Variants in TNRC18 observed in about 807,000 individuals in gnomAD.
TNRC18 encodes the protein trinucleotide repeat containing 18.
In TNRC18, 69 loss-of-function variants were observed where a neutral mutation model predicts 226.7. The ratio of observed to expected loss-of-function variants is 0.30; its 90% CI spans 0.25 to 0.37. TNRC18 has a LOEUF of 0.37. TNRC18 is among the 10% of genes least tolerant of loss of function. The probability of loss-of-function intolerance (pLI) is 1.00; values close to 1 mark genes in which losing one functional copy is unlikely to be tolerated. For synonymous variants in TNRC18, 2,449 were observed against 1,927.6 expected (o/e 1.27, Z -7.09); for missense variants, 4,754 against 4,256.6 (o/e 1.12, Z -3.25).
At position 5,388,637 on chromosome 7, in the gene TNRC18, T is replaced by A; in HGVS notation, c.1187A>T (p.Asp396Val). The A allele has an allele frequency of 7.8e-7, 1 of 1,277,046 alleles. No homozygotes were observed. Among genetic ancestry groups the A allele is most frequent in the South Asian group, 2.0e-5 (1 of 49,694 alleles). 79.1% of individuals were successfully genotyped at this position (1,277,046 alleles called of 1,614,324 possible). ...AGCCTCGCGCTCGCGGGCCCGGGCA[T>A]CGCGCGCCTGGGATGCGATCTGGAT... Reference protein sequence around the residue: ...GPIQIASQARDARAREREAGR... With the variant: ...GPIQIASQARVARAREREAGR... The change falls in exon 5 of 30, where the codon GAT (aspartate) becomes GTT (valine). Residue 396 changes from aspartate to valine, a missense_variant. Transcript: ENST00000430969.
At chr7:5,341,736 C>T (rs1790707324) in intron 18 of TNRC18, among the ~76,000 whole-genome samples, 1 of 144,332 alleles carries the variant, frequency 6.9e-6, no homozygotes, top group Non-Finnish European at 1.5e-5. Flanking sequence ...CACACTCCAG[C>T]CTGGCAAAAG....
At position 5,419,663 on chromosome 7, in the gene TNRC18, G is replaced by A. The variant is rs564414268; in HGVS notation, c.187+1397C>T. On this transcript the variant is annotated intron_variant, in intron 2 of 29. Coordinates refer to ENST00000430969, the MANE Select transcript of TNRC18 (RefSeq NM_001080495.3). Reference sequence around the variant, plus strand: ...CGGAATACGCCCCCAGCTCCGGAGGGACACAAGCAGGTCCGGGGGCCAAGA... The same window carrying A: ...CGGAATACGCCCCCAGCTCCGGAGGAACACAAGCAGGTCCGGGGGCCAAGA... Among the ~76,000 whole-genome samples, 50 of 152,124 alleles carry A rather than the reference G, an allele frequency of 3.3e-4. 1 individual carries two copies. The highest frequency in any genetic ancestry group is 7.2e-4 in the African/African-American group (30 of 41,528).
intron 2 of TNRC18, among the ~76,000 whole-genome samples, chr7:5,411,700 C>T (rs1026399455): frequency 4.0e-5 from 6 of 151,872 alleles, no homozygotes; most frequent in Non-Finnish European, 7.4e-5. Flanking sequence ...AAACAGGAAA[C>T]GGGAAGGCAA....
intron 16 of TNRC18, 86 bp from the exon 17 acceptor site, chr7:5,352,180 C>T (rs181981243): frequency 6.5e-6 from 9 of 1,388,952 alleles, no homozygotes; most frequent in African/African-American, 2.9e-5. Context: ...GTTCTGAGAA[C>T]GTACTGGAAG....
rs1352437459 is a variant in TNRC18, at chr7:5,359,565, T to TCAGCCTGAAACG, written c.4662-8_4665dup (p.Leu1555_Ser1556insArgPheArgLeu). 6.2e-7 allele frequency: 1 copy of TCAGCCTGAAACG among 1,613,788 alleles called. No individual in the cohort carries two copies. Among genetic ancestry groups the TCAGCCTGAAACG allele is most frequent in the Non-Finnish European group, 8.5e-7 (1 of 1,179,874 alleles). On this transcript the variant is annotated inframe_insertion, in exon 15 of 30. Coordinates refer to ENST00000430969, the MANE Select transcript of TNRC18 (RefSeq NM_001080495.3). The stretch of plus-strand genomic sequence containing the variant: ...TCTGATGTCAGCAGAGACTTGCTGC[T>TCAGCCTGAAACG]CAGCCTGAAACGCAGACACACTGCC...
At position 5,313,283 on chromosome 7, in the gene TNRC18, C is replaced by G; in HGVS notation, c.7608G>C (p.Glu2536Asp). Reference protein sequence around the residue: ...AQEPGPGLTFEDSGNPKSPDK... With the variant: ...AQEPGPGLTFDDSGNPKSPDK... ...CTGGGCTCTTGGGGTTCCCAGAGTCCTCGAACGTGAGCCCCGGCCCGGGCT... is the reference window on the plus strand; with the variant it reads ...CTGGGCTCTTGGGGTTCCCAGAGTCGTCGAACGTGAGCCCCGGCCCGGGCT... Residue 2536 changes from glutamate (E) to aspartate (D), a missense_variant, in exon 27 of 30, where the codon GAG becomes GAC. Glu to Asp is a conservative substitution (Grantham distance 45). Coordinates refer to ENST00000430969, the MANE Select transcript of TNRC18 (RefSeq NM_001080495.3). The G allele has an allele frequency of 6.5e-7, 1 of 1,548,572 alleles. No individual in the cohort carries two copies. The highest frequency in any genetic ancestry group is 8.7e-7 in the Non-Finnish European group (1 of 1,146,610).
intron 15 of TNRC18, among the ~76,000 whole-genome samples, chr7:5,357,666 T>G (rs970651276): frequency 6.6e-6 from 1 of 152,176 alleles, no homozygotes; most frequent in African/African-American, 2.4e-5. Context: ...TTATTTTTAT[T>G]TTTGTAGAGC....
At chr7:5,401,641 G>A (rs758559448) in intron 2 of TNRC18, among the ~76,000 whole-genome samples, 3 of 152,222 alleles carry the variant, frequency 2.0e-5, no homozygotes, top group East Asian at 3.9e-4. Context: ...GACAGTAAAC[G>A]ATTGGGCGTT....
At chr7:5,362,935 C>A in intron 11 of TNRC18, 110 bp from the exon 12 acceptor site, 2 of 1,151,736 alleles carry the variant, frequency 1.7e-6, no homozygotes, top group South Asian at 1.7e-5. Context: ...CGTGCCCATC[C>A]CCCAAGGTGC....
chr7:5,339,894 G>GAA (rs879517699), intron 18 of TNRC18, among the ~76,000 whole-genome samples: 2 of 142,504 alleles, frequency 1.4e-5, no homozygotes, highest in Non-Finnish European at 1.5e-5. Context: ...TAGCGAGGAA[G>GAA]AAAAAAAAAA....
chr7:5,309,445 T>C lies in TNRC18; in HGVS notation c.8389-77A>G. On this transcript the variant is annotated intron_variant, in intron 27 of 29. Coordinates refer to ENST00000430969, the MANE Select transcript of TNRC18 (RefSeq NM_001080495.3). This position sits in a 1 kb window ranked among gnomAD's most constrained non-coding sequence, Gnocchi z 5.7. Reference sequence around the variant, plus strand: ...CCGCCGCCTGGCAGGCTCTGCCGCTTGGGACTCTGGGCCCTCGGCCTCTAA... The same window carrying C: ...CCGCCGCCTGGCAGGCTCTGCCGCTCGGGACTCTGGGCCCTCGGCCTCTAA... The C allele has an allele frequency of 7.6e-7, 1 of 1,321,982 alleles. No homozygotes were observed. The allele number at this position is 1,321,982 out of a possible 1,614,324, so 81.9% of individuals were successfully genotyped here.
chr7:5,375,643 C>T (rs1283199779), intron 9 of TNRC18, among the ~76,000 whole-genome samples: 1 of 152,172 alleles, frequency 6.6e-6, no homozygotes, highest in Non-Finnish European at 1.5e-5. Flanking sequence ...GGCCAGGCCT[C>T]CTTGTGCCTC....
At chr7:5,359,118 C>T (rs1792762094) in intron 15 of TNRC18, among the ~76,000 whole-genome samples, 1 of 152,214 alleles carries the variant, frequency 6.6e-6, no homozygotes, top group Non-Finnish European at 1.5e-5. Context: ...CTCTCCTTGG[C>T]TTTAGCAAAG....
In TNRC18 at chr7:5,421,299, A is replaced by C; in HGVS notation, c.-53T>G. On this transcript the variant is annotated 5_prime_UTR_variant, in exon 2 of 30. The change abolishes the stop of an existing upstream ORF in the 5' untranslated region. Transcript: ENST00000430969. ...CCCACCCGGCCCGCAGGCCTAGCTCAGTGGGACCTAAAAGTTCGGCCTCGG... is the reference window on the plus strand; with the variant it reads ...CCCACCCGGCCCGCAGGCCTAGCTCCGTGGGACCTAAAAGTTCGGCCTCGG... The C allele has an allele frequency of 5.7e-6, 7 of 1,238,050 alleles. No homozygotes were observed. The highest frequency in any genetic ancestry group is 7.1e-6 in the Non-Finnish European group (7 of 987,384). The allele number at this position is 1,238,050 out of a possible 1,614,324, so 76.7% of individuals were successfully genotyped here.
chr7:5,345,142 C>A (rs950681204), intron 18 of TNRC18, among the ~76,000 whole-genome samples: 6 of 152,184 alleles, frequency 3.9e-5, no homozygotes, highest in African/African-American at 9.7e-5. Context: ...TTCTTTCTAC[C>A]GTGACGTGGC....
intron 11 of TNRC18, among the ~76,000 whole-genome samples, chr7:5,368,597 G>C (rs1276677808): frequency 6.7e-6 from 1 of 148,406 alleles, no homozygotes; most frequent in Non-Finnish European, 1.5e-5. Context: ...CCTGGGAGGC[G>C]GAAGTTGCAG....
At chr7:5,363,072 T>C (rs1793235615) in intron 11 of TNRC18, among the ~76,000 whole-genome samples, 1 of 151,640 alleles carries the variant, frequency 6.6e-6, no homozygotes, top group African/African-American at 2.4e-5. Flanking sequence ...GGCGGGCAGA[T>C]CACCTTAGGT....
At chr7:5,360,087 G>A (rs1792879396) in intron 14 of TNRC18, among the ~76,000 whole-genome samples, 1 of 152,158 alleles carries the variant, frequency 6.6e-6, no homozygotes, top group Non-Finnish European at 1.5e-5. Context: ...CTTGCTTTAA[G>A]CTGAAACTTC....
chr7:5,379,198 CA>C (rs58739082), intron 5 of TNRC18, among the ~76,000 whole-genome samples: 145 of 140,854 alleles, frequency 1.0e-3, no homozygotes, highest in Middle Eastern at 3.6e-3. Flanking sequence ...AAGACTCCGT[CA>C]AAAAAAAAAA....
Sources: allele counts gnomAD v4.1 joint callset (sites outside exome capture counted in the v4.1 genomes callset), GRCh38; gene constraint gnomAD v4.1.1; non-coding constraint Gnocchi (gnomAD v3.1); transcripts MANE v1.5; gene names NCBI Gene and HGNC (gene_info 2026-07-23, HGNC 2026-07-21).